COG5: variants seen among roughly 807,000 people sequenced by gnomAD.
COG5 encodes the protein conserved oligomeric Golgi complex subunit 5.
A neutral mutation model predicts 110.4 loss-of-function variants in COG5; 86 were observed. The ratio of observed to expected loss-of-function variants is 0.78; its 90% confidence interval spans 0.65 to 0.93. The LOEUF is 0.93. COG5 is among the 40% of genes least tolerant of loss of function. The pLI is 0.00. For synonymous variants in COG5, 360 were observed against 334.6 expected (o/e 1.08, Z -0.83); for missense variants, 1,077 against 987.0 (o/e 1.09, Z -1.22).
intron 14 of COG5, among the ~76,000 whole-genome samples, chr7:107,274,971 T>C (rs1229558411): frequency 2.0e-5 from 3 of 152,110 alleles, no homozygotes; most frequent in Admixed American, 6.6e-5. Flanking sequence ...TCTTCTGTTT[T>C]TGTAGACACA....
intron 19 of COG5, among the ~76,000 whole-genome samples, chr7:107,229,326 GTA>G (rs1408575019): frequency 6.6e-6 from 1 of 152,122 alleles, no homozygotes; most frequent in East Asian, 1.9e-4. Context: ...GCGTGTTCCT[GTA>G]ATCCCAGCTA....
At chr7:107,208,223 G>C (rs1798913133) in intron 21 of COG5, 1 of 985,410 alleles carries the variant, frequency 1.0e-6, no homozygotes, top group African/African-American at 1.7e-5. Context: ...GAAGGTTCTG[G>C]AATCAGCCAT....
At chr7:107,419,116 A>G (rs781687589) in intron 6 of COG5, among the ~76,000 whole-genome samples, 7 of 152,226 alleles carry the variant, frequency 4.6e-5, no homozygotes, top group Non-Finnish European at 7.3e-5. Flanking sequence ...TTTTTCACAT[A>G]CAGTTGCAGA....
intron 6 of COG5, among the ~76,000 whole-genome samples, chr7:107,415,881 T>TATATATATACACACACATACAC (rs1792755707): frequency 9.9e-6 from 1 of 100,720 alleles, no homozygotes; most frequent in African/African-American, 6.8e-5. Context: ...TGTATGTGTG[T>TATATATATACACACACATACAC]GTATATACAC....
rs11982609 is a variant in COG5 at position 107,385,740 on chromosome 7, G to A, written c.670-12980C>T. ...AATGGGGAGTTATTTAATGAGTATA[G>A]AGTTATCAACAACAGTGCAGAAAGA... is the stretch of plus-strand genomic sequence containing the variant. On this transcript the variant is annotated intron_variant, in intron 7 of 21. Coordinates refer to ENST00000297135, the MANE Select transcript of COG5 (RefSeq NM_006348.5). Among the ~76,000 whole-genome samples the A allele has an allele frequency of 6.9e-4, 105 of 151,716 alleles. 1 individual carries two copies. The highest frequency in any genetic ancestry group is 3.4e-3 in the Middle Eastern group (1 of 294).
chr7:107,401,332 G>A (rs536533869), intron 7 of COG5, among the ~76,000 whole-genome samples: 3 of 151,830 alleles, frequency 2.0e-5, no homozygotes, highest in Admixed American at 1.3e-4. Context: ...AAGCTATGAC[G>A]GTACATATTA....
At chr7:107,444,490 C>T (rs1391431749) in intron 6 of COG5, among the ~76,000 whole-genome samples, 1 of 152,166 alleles carries the variant, frequency 6.6e-6, no homozygotes, top group Non-Finnish European at 1.5e-5. Context: ...CACTCCAACC[C>T]TGCTTTTCAG....
chr7:107,215,684 C>T (rs973899931), intron 19 of COG5, among the ~76,000 whole-genome samples: 1 of 151,882 alleles, frequency 6.6e-6, no homozygotes. Flanking sequence ...AACAAACAAA[C>T]AAACCCAGCT....
chr7:107,421,590 A>G (rs901487633), intron 6 of COG5, among the ~76,000 whole-genome samples: 4 of 152,168 alleles, frequency 2.6e-5, no homozygotes, highest in Admixed American at 6.5e-5. Context: ...CAGGAGTTCA[A>G]GACCAGACTG....
At chr7:107,245,654 C>G (rs1187933096) in intron 17 of COG5, among the ~76,000 whole-genome samples, 1 of 152,006 alleles carries the variant, frequency 6.6e-6, no homozygotes, top group Admixed American at 6.6e-5. Flanking sequence ...TACAGGTAAC[C>G]AGGGAGGTAA....
intron 8 of COG5, among the ~76,000 whole-genome samples, chr7:107,371,365 G>A (rs970759028): frequency 6.6e-6 from 1 of 152,050 alleles, no homozygotes; most frequent in Non-Finnish European, 1.5e-5. Context: ...CAAGGAAAGA[G>A]GATTGCTTGA....
At chr7:107,251,267 C>T (rs1802482343) in intron 16 of COG5, among the ~76,000 whole-genome samples, 1 of 151,960 alleles carries the variant, frequency 6.6e-6, no homozygotes, top group African/African-American at 2.4e-5. Context: ...CTTTCAAACC[C>T]ATATTTCTAT....
chr7:107,223,154 G>A (rs758514646), intron 19 of COG5, among the ~76,000 whole-genome samples: 19 of 152,328 alleles, frequency 1.2e-4, no homozygotes, highest in Non-Finnish European at 2.2e-4. Context: ...CTAAGTATGC[G>A]TACTGAGGTC....
chr7:107,277,614 G>A (rs1195475437), intron 14 of COG5, among the ~76,000 whole-genome samples: 1 of 152,160 alleles, frequency 6.6e-6, no homozygotes. Context: ...TTTTGTAGTG[G>A]TGGACAGTAA....
intron 6 of COG5, among the ~76,000 whole-genome samples, chr7:107,487,465 G>T (rs750297464): frequency 6.6e-6 from 1 of 152,108 alleles, no homozygotes; most frequent in East Asian, 1.9e-4. Context: ...GACTCCCGAC[G>T]TATCAGGATT....
chr7:107,356,754 ATAT>A (rs1297439969), intron 10 of COG5, among the ~76,000 whole-genome samples: 1 of 152,170 alleles, frequency 6.6e-6, no homozygotes, highest in Non-Finnish European at 1.5e-5. Context: ...TGTAATTCTA[ATAT>A]TATTTCATCC....
intron 5 of COG5, among the ~76,000 whole-genome samples, chr7:107,537,949 C>A (rs1801711921): frequency 1.3e-5 from 2 of 152,124 alleles, no homozygotes; most frequent in Admixed American, 1.3e-4. Flanking sequence ...ATAAGGGCAA[C>A]AGAGTCCTTG....
intron 10 of COG5, among the ~76,000 whole-genome samples, chr7:107,347,326 T>C (rs1225528568): frequency 6.6e-6 from 1 of 152,146 alleles, no homozygotes; most frequent in Non-Finnish European, 1.5e-5. Context: ...AGGTAAATAA[T>C]TACCACTGGG....
At chr7:107,312,646 G>C (rs74825685) in intron 11 of COG5, among the ~76,000 whole-genome samples, 1 of 152,128 alleles carries the variant, frequency 6.6e-6, no homozygotes, top group African/African-American at 2.4e-5. Flanking sequence ...AACAATTCAG[G>C]CTTAAGTATG....
Sources: gnomAD v4.1 joint callset for allele counts (sites outside exome capture counted in the v4.1 genomes callset) on GRCh38, gnomAD v4.1.1 for gene constraint, MANE v1.5 for transcripts, NCBI Gene and HGNC (gene_info 2026-07-23, HGNC 2026-07-21) for gene names.